BAZ2B: variants seen among roughly 807,000 people sequenced by gnomAD.
The protein encoded by BAZ2B is bromodomain adjacent to zinc finger domain protein 2B.
Under a neutral mutation model 246.0 loss-of-function variants are expected in BAZ2B, and 91 were observed. That is an observed-to-expected ratio of 0.37 (90% CI 0.31 to 0.44). BAZ2B has a LOEUF of 0.44. Among genes scored for constraint, BAZ2B ranks in the 20% least tolerant of loss-of-function variants. The pLI is 1.00. For missense variants in BAZ2B, 2,332 were observed against 2,533.7 expected (o/e 0.92, Z 1.71); for synonymous variants, 855 against 860.0 (o/e 0.99, Z 0.10).
At chr2:159,510,834 C>A (rs1038953789) in intron 2 of BAZ2B, among the ~76,000 whole-genome samples, 4 of 152,132 alleles carry the variant, frequency 2.6e-5, no homozygotes, top group Non-Finnish European at 4.4e-5. Flanking sequence ...TGACCGCTCT[C>A]TTACTGTCAA....
At chr2:159,361,636 C>T (rs897907970) in intron 27 of BAZ2B, among the ~76,000 whole-genome samples, 1 of 152,194 alleles carries the variant, frequency 6.6e-6, no homozygotes, top group Non-Finnish European at 1.5e-5. Flanking sequence ...TATCATTCTA[C>T]TATAAAGACA....
intron 1 of BAZ2B, among the ~76,000 whole-genome samples, chr2:159,570,224 G>A (rs1362183355): frequency 2.0e-5 from 3 of 149,830 alleles, no homozygotes; most frequent in Non-Finnish European, 4.4e-5. Context: ...TCGCTCTGTG[G>A]CCCAGGCTGG....
intron 31 of BAZ2B, among the ~76,000 whole-genome samples, chr2:159,347,038 A>G (rs1237186355): frequency 6.6e-6 from 1 of 152,222 alleles, no homozygotes; most frequent in Non-Finnish European, 1.5e-5. Flanking sequence ...TATATAGTAT[A>G]AAAGTCTGAC....
chr2:159,560,963 A>G (rs2089795117), intron 1 of BAZ2B, among the ~76,000 whole-genome samples: 1 of 152,220 alleles, frequency 6.6e-6, no homozygotes, highest in Admixed American at 6.5e-5. Context: ...TGAAAATAAT[A>G]GAAAACTATA....
intron 30 of BAZ2B, among the ~76,000 whole-genome samples, 168 bp from the exon 31 acceptor site, chr2:159,347,814 G>T (rs1320029914): frequency 6.6e-6 from 1 of 152,026 alleles, no homozygotes. Context: ...GTAGAAACAC[G>T]CTAAGAAACA....
intron 13 of BAZ2B, among the ~76,000 whole-genome samples, chr2:159,417,345 A>G (rs1483484567): frequency 6.6e-6 from 1 of 151,916 alleles, no homozygotes; most frequent in Non-Finnish European, 1.5e-5. Flanking sequence ...TAATTTTTGT[A>G]TTTTTAGTAC....
chr2:159,622,875 T>G, the BAZ2B span, among the ~76,000 whole-genome samples: 2 of 151,168 alleles, frequency 1.3e-5, no homozygotes, highest in African/African-American at 4.9e-5. Flanking sequence ...TGTGCCCCTG[T>G]AGTCCCAGCT....
chr2:159,391,342 T>C (rs144284233), intron 20 of BAZ2B, among the ~76,000 whole-genome samples: 1 of 152,178 alleles, frequency 6.6e-6, no homozygotes, highest in African/African-American at 2.4e-5. Flanking sequence ...GGTTTGGGCA[T>C]GTCACTCTAT....
chr2:159,408,079 ATAAGTT>A (rs2066238385), intron 14 of BAZ2B, among the ~76,000 whole-genome samples: 1 of 152,246 alleles, frequency 6.6e-6, no homozygotes. Context: ...ATTCTCTAAT[ATAAGTT>A]TAACTTTTAA....
the BAZ2B span, among the ~76,000 whole-genome samples, chr2:159,645,434 T>G: frequency 6.6e-6 from 1 of 152,248 alleles, no homozygotes; most frequent in East Asian, 1.9e-4. Flanking sequence ...AGAATGAAAC[T>G]GTTCCACCTC....
At chr2:159,516,011 T>C (rs2151218414) in intron 2 of BAZ2B, among the ~76,000 whole-genome samples, 1 of 152,224 alleles carries the variant, frequency 6.6e-6, no homozygotes, top group South Asian at 2.1e-4. Flanking sequence ...TTTCAATGTC[T>C]TTATTTAATA....
chr2:159,596,541 T>C (rs1245356219), intron 1 of BAZ2B, among the ~76,000 whole-genome samples: 6 of 152,246 alleles, frequency 3.9e-5, no homozygotes, highest in Non-Finnish European at 8.8e-5. Flanking sequence ...TTCTATCTTT[T>C]AATTTTTTAT....
intron 2 of BAZ2B, among the ~76,000 whole-genome samples, chr2:159,482,082 G>GT (rs1272354055): frequency 2.7e-5 from 4 of 148,638 alleles, no homozygotes; most frequent in African/African-American, 9.9e-5. Flanking sequence ...TGTGAACTCT[G>GT]TTTTTTATTT....
At chr2:159,385,514 A>G (rs2149534993) in intron 22 of BAZ2B, 145 bp from the exon 23 acceptor site, 1 of 669,746 alleles carries the variant, frequency 1.5e-6, no homozygotes, top group Non-Finnish European at 2.5e-6. Flanking sequence ...GAGACACAAA[A>G]ATAGTCAATA....
intron 6 of BAZ2B, 87 bp downstream of exon 6, chr2:159,446,695 A>T: frequency 7.8e-7 from 1 of 1,286,132 alleles, no homozygotes; most frequent in Non-Finnish European, 1.1e-6. Flanking sequence ...ATAAGAAATT[A>T]AACCATAGAT....
chr2:159,417,540 T>C (rs2067969396), intron 13 of BAZ2B, among the ~76,000 whole-genome samples: 1 of 152,136 alleles, frequency 6.6e-6, no homozygotes, highest in Non-Finnish European at 1.5e-5. Flanking sequence ...TAGTGAATAA[T>C]ACCTTCACTT....
intron 2 of BAZ2B, among the ~76,000 whole-genome samples, chr2:159,530,049 T>C (rs2085211876): frequency 1.3e-5 from 2 of 152,190 alleles, no homozygotes; most frequent in South Asian, 4.1e-4. Flanking sequence ...CAAAAACAAA[T>C]CTAAAATTGC....
chr2:159,690,189 C>T, the BAZ2B span: 1 of 478,522 alleles, frequency 2.1e-6, no homozygotes, highest in Non-Finnish European at 4.0e-6. Flanking sequence ...AGCGTCTTTC[C>T]AACATTTCTT....
chr2:159,496,113 C>G (rs1340392579), intron 2 of BAZ2B, among the ~76,000 whole-genome samples: 1 of 148,948 alleles, frequency 6.7e-6, no homozygotes, highest in Non-Finnish European at 1.5e-5. Flanking sequence ...CGGTGGCTCA[C>G]GCCTGTAATC....
Sources: gnomAD v4.1 joint callset for allele counts (sites outside exome capture counted in the v4.1 genomes callset) on GRCh38, gnomAD v4.1.1 for gene constraint, MANE v1.5 for transcripts, NCBI Gene and HGNC (gene_info 2026-07-23, HGNC 2026-07-21) for gene names.